Variants in PRKAG2 observed in about 807,000 individuals in gnomAD.
PRKAG2 encodes the protein 5'-AMP-activated protein kinase subunit gamma-2.
A neutral mutation model predicts 69.6 loss-of-function variants in PRKAG2; 26 were observed. That is an observed-to-expected ratio of 0.37 (90% CI 0.27 to 0.52). The LOEUF (loss-of-function observed/expected upper bound fraction) is 0.52, where lower values mean the gene tolerates loss of function less well. PRKAG2 is among the 20% of genes least tolerant of loss of function. PRKAG2 has a pLI of 0.90. For synonymous variants in PRKAG2, 293 were observed against 285.0 expected, an observed-to-expected ratio of 1.03 and a Z score of -0.28; for missense variants, 557 against 740.0, an observed-to-expected ratio of 0.75 and a Z score of 2.87.
rs1052462853 is a variant in PRKAG2 at position 151,828,315 on chromosome 7, G to A, written c.115-41774C>T. 9.9e-5 allele frequency among the ~76,000 whole-genome samples: 15 copies of A among 152,164 alleles called. No individual in the cohort carries two copies. The highest frequency in any genetic ancestry group is 3.4e-4 in the African/African-American group (14 of 41,434). On this transcript the variant is annotated intron_variant, in intron 1 of 15. Coordinates refer to ENST00000287878, the MANE Select transcript of PRKAG2 (RefSeq NM_016203.4). The surrounding 1 kb of genome is among the most constrained non-coding windows in gnomAD (Gnocchi z 4.6). ...GATATCAAATCCTAGCCCAACAAGGGGTGACGGCAGGACTCTCCCCGGATT... is the reference window on the plus strand; with the variant it reads ...GATATCAAATCCTAGCCCAACAAGGAGTGACGGCAGGACTCTCCCCGGATT...
intron 1 of PRKAG2, among the ~76,000 whole-genome samples, chr7:151,856,906 G>A (rs538925486): frequency 3.2e-4 from 48 of 152,180 alleles, no homozygotes; most frequent in African/African-American, 1.1e-3. Context: ...CAAGAAGGGC[G>A]GAGAGAAAAC....
intron 5 of PRKAG2, among the ~76,000 whole-genome samples, chr7:151,626,327 G>A (rs1822895541): frequency 6.6e-6 from 1 of 152,144 alleles, no homozygotes; most frequent in African/African-American, 2.4e-5. Context: ...GTGAAGTCAC[G>A]TCCTGACTTC....
chr7:151,739,756 C>A (rs147022618), intron 3 of PRKAG2, among the ~76,000 whole-genome samples: 2,719 of 152,224 alleles, frequency 0.018, 86 homozygotes, highest in African/African-American at 0.062. Context: ...CAGGTGTGAG[C>A]CACCACACCC....
chr7:151,698,762 C>G (rs1837148953), intron 3 of PRKAG2, among the ~76,000 whole-genome samples: 1 of 152,216 alleles, frequency 6.6e-6, no homozygotes, highest in Non-Finnish European at 1.5e-5. Flanking sequence ...CACAAATGGA[C>G]TAACACAATC....
Position 151,668,458 on chromosome 7 carries a change from CTA to C in PRKAG2, c.684+6960_684+6961del, listed in dbSNP as rs201894557. Among the ~76,000 whole-genome samples, 223 of 152,344 alleles carry C rather than the reference CTA, an allele frequency of 1.5e-3. 1 individual carries two copies. The highest frequency in any genetic ancestry group is 5.2e-3 in the African/African-American group (218 of 41,584). ...AAAAGAAGAGCATAGAGAATTCAGACTATAGAATATGTCCTCGATTCATTTTA... is the reference window on the plus strand; with the variant it reads ...AAAAGAAGAGCATAGAGAATTCAGACTAGAATATGTCCTCGATTCATTTTA... On this transcript the variant is annotated intron_variant, in intron 4 of 15. Transcript: ENST00000287878.
chr7:151,563,148 A>G (rs1473284458), intron 14 of PRKAG2, among the ~76,000 whole-genome samples: 2 of 152,110 alleles, frequency 1.3e-5, no homozygotes, highest in African/African-American at 4.8e-5. Flanking sequence ...TTAGTGTTCT[A>G]TTTATGTCAT....
chr7:151,652,668 T>G lies in PRKAG2; in HGVS notation c.685-20530A>C, dbSNP rs77909141. Among the ~76,000 whole-genome samples the G allele has an allele frequency of 5.0e-3, 764 of 152,248 alleles. 3 individuals carry two copies. The highest frequency in any genetic ancestry group is 0.018 in the African/African-American group (729 of 41,540). ...TTGGGTCTCTTTTTTCTTTTTGAGA[T>G]GGGGTCACCCAGGCTAGAGTACAAT... On this transcript the variant is annotated intron_variant, in intron 4 of 15. Transcript: ENST00000287878.
At chr7:151,782,704 C>T (rs997444054) in intron 2 of PRKAG2, among the ~76,000 whole-genome samples, 1 of 152,162 alleles carries the variant, frequency 6.6e-6, no homozygotes, top group Non-Finnish European at 1.5e-5. Context: ...TTGGTCTCAC[C>T]GAGCCTCAGC....
At position 151,699,323 on chromosome 7, in the gene PRKAG2, G is replaced by C. The variant is rs1038004966; in HGVS notation, c.467-23686C>G. 6.6e-6 allele frequency among the ~76,000 whole-genome samples: 1 copy of C among 152,240 alleles called. No homozygotes were observed. The highest frequency in any genetic ancestry group is 6.5e-5 in the Admixed American group (1 of 15,286). ...GCTGCCTGCAGGCCTAGTCCCAGCA[G>C]ATCTCCGGGAGATGCTGACTGCTGG... is the stretch of plus-strand genomic sequence containing the variant. On this transcript the variant is annotated intron_variant, in intron 3 of 15. Transcript: ENST00000287878. This position sits in a 1 kb window ranked among gnomAD's most constrained non-coding sequence, Gnocchi z 4.5.
chr7:151,790,910 G>A (rs553718590), intron 1 of PRKAG2, among the ~76,000 whole-genome samples: 4 of 152,360 alleles, frequency 2.6e-5, no homozygotes, highest in East Asian at 1.9e-4. Flanking sequence ...GCTGAGGGCC[G>A]GATGTGAGGC....
chr7:151,580,073 C>G (rs1436785015), intron 6 of PRKAG2, among the ~76,000 whole-genome samples: 2 of 152,166 alleles, frequency 1.3e-5, no homozygotes, highest in Non-Finnish European at 2.9e-5. Context: ...GCCAGGTGCA[C>G]TGGCTCATGC....
rs1056010526 is a variant in PRKAG2 at position 151,632,476 on chromosome 7, C to A, written c.685-338G>T. The stretch of plus-strand genomic sequence containing the variant: ...AGGGCGGCAGCGCCTGGGCCCGGGG[C>A]GCCCCCCTCCGGCCGTGGCCCGCGT... On this transcript the variant is annotated intron_variant, in intron 4 of 15. Coordinates refer to ENST00000287878, the MANE Select transcript of PRKAG2 (RefSeq NM_016203.4). The surrounding 1 kb of genome is among the most constrained non-coding windows in gnomAD (Gnocchi z 4.2). 1.0e-5 allele frequency: 8 copies of A among 762,532 alleles called. No individual in the cohort carries two copies. The highest frequency in any genetic ancestry group is 1.9e-5 in the African/African-American group (1 of 52,762). The allele number at this position is 762,532 out of a possible 1,614,324, so 47.2% of individuals were successfully genotyped here.
Position 151,657,069 on chromosome 7 carries a change from G to A in PRKAG2, c.684+18351C>T, listed in dbSNP as rs570991935. Among the ~76,000 whole-genome samples, 344 of 151,996 alleles carry A rather than the reference G, an allele frequency of 2.3e-3. 6 individuals are homozygous for A. The highest frequency in any genetic ancestry group is 5.3e-4 in the Non-Finnish European group (36 of 67,986). On this transcript the variant is annotated intron_variant, in intron 4 of 15. Coordinates refer to ENST00000287878, the MANE Select transcript of PRKAG2 (RefSeq NM_016203.4). ...GGAGGATGGCTTGAACCTGGGAGGC[G>A]GAGGTTGCAATGAGCTGAGATTGTG...
intron 5 of PRKAG2, among the ~76,000 whole-genome samples, chr7:151,605,150 T>C (rs1424473022): frequency 6.6e-6 from 1 of 151,850 alleles, no homozygotes; most frequent in Non-Finnish European, 1.5e-5. Context: ...CTGAGTAGCT[T>C]GGATTATAGG....
intron 3 of PRKAG2, among the ~76,000 whole-genome samples, chr7:151,710,578 C>T (rs1293225950): frequency 6.6e-6 from 1 of 152,242 alleles, no homozygotes; most frequent in Non-Finnish European, 1.5e-5. Context: ...GAGCCCTGCC[C>T]TCTCCCTGCT....
chr7:151,576,724 C>T (rs183962475), intron 6 of PRKAG2, among the ~76,000 whole-genome samples: 52 of 152,276 alleles, frequency 3.4e-4, no homozygotes, highest in African/African-American at 1.2e-3. Flanking sequence ...TCGTCTCGAA[C>T]TCCTGACCTC....
At chr7:151,606,205 C>A (rs1817527647) in intron 5 of PRKAG2, among the ~76,000 whole-genome samples, 1 of 152,138 alleles carries the variant, frequency 6.6e-6, no homozygotes, top group South Asian at 2.1e-4. Context: ...AATAAAATTT[C>A]TGTTGAGTGG....
At chr7:151,597,315 GAA>G (rs2151144985) in intron 5 of PRKAG2, among the ~76,000 whole-genome samples, 1 of 152,258 alleles carries the variant, frequency 6.6e-6, no homozygotes, top group South Asian at 2.1e-4. Context: ...CCCAAACTAC[GAA>G]ACTACTAGAA....
At chr7:151,679,705 C>T in intron 3 of PRKAG2, among the ~76,000 whole-genome samples, 1 of 152,174 alleles carries the variant, frequency 6.6e-6, no homozygotes, top group East Asian at 1.9e-4. Context: ...CCACAGAGAT[C>T]TCTAAAGCCT....
Sources: allele counts gnomAD v4.1 joint callset (sites outside exome capture counted in the v4.1 genomes callset), GRCh38; gene constraint gnomAD v4.1.1; non-coding constraint Gnocchi (gnomAD v3.1); transcripts MANE v1.5; gene names NCBI Gene and HGNC (gene_info 2026-07-23, HGNC 2026-07-21).